Variants in INVS observed in about 807,000 individuals in gnomAD.
INVS encodes inversin, also known as inversion of embryo turning homolog.
INVS carries 86 observed loss-of-function variants against 108.8 expected under a neutral mutation model. That is an observed-to-expected ratio of 0.79 (90% CI 0.66 to 0.95). The LOEUF (loss-of-function observed/expected upper bound fraction) is 0.95. Among genes scored for constraint, INVS ranks in the 40% least tolerant of loss-of-function variants. The pLI is 0.00. For synonymous variants in INVS, 455 were observed against 473.5 expected (o/e 0.96, Z 0.51); for missense variants, 1,169 against 1,297.4 (o/e 0.90, Z 1.52).
intron 5 of INVS, among the ~76,000 whole-genome samples, chr9:100,232,757 C>G (rs772461612): frequency 6.6e-6 from 1 of 152,052 alleles, no homozygotes. Context: ...TTTACTGTAG[C>G]CTTGTATTAT....
chr9:100,100,771 T>TAC (rs1564111658), intron 1 of INVS, among the ~76,000 whole-genome samples: 42 of 15,402 alleles, frequency 2.7e-3, no homozygotes, highest in East Asian at 7.2e-3. Context: ...ATAATATATG[T>TAC]ATATATAATA....
intron 3 of INVS, chr9:100,175,791 A>T: frequency 1.5e-6 from 1 of 650,878 alleles, no homozygotes. Flanking sequence ...GTCCTAGAAC[A>T]GCCATTCCTG....
chr9:100,119,501 G>A (rs761679658), intron 2 of INVS, among the ~76,000 whole-genome samples: 4 of 152,194 alleles, frequency 2.6e-5, no homozygotes, highest in Non-Finnish European at 4.4e-5. Flanking sequence ...CAGTCAAGGC[G>A]TCAGCCAGGG....
chr9:100,126,030 A>C (rs1588019925), intron 2 of INVS, among the ~76,000 whole-genome samples: 1 of 152,312 alleles, frequency 6.6e-6, no homozygotes, highest in East Asian at 1.9e-4. Flanking sequence ...CACAATGCCT[A>C]GTGTACAATT....
chr9:100,178,603 A>G (rs538530942), intron 3 of INVS, among the ~76,000 whole-genome samples: 20 of 152,220 alleles, frequency 1.3e-4, no homozygotes, highest in African/African-American at 4.3e-4. Context: ...AAAGAATGAA[A>G]AGGAATGCAC....
In INVS at chr9:100,197,822, T is replaced by C. The variant is rs532304858; in HGVS notation, c.274-28240T>C. Reference sequence around the variant, plus strand: ...GTAACCTACAGTCAGACAAGGTAGGTCAGAGAATTTCTTTATGGCCAGAGG... The same window carrying C: ...GTAACCTACAGTCAGACAAGGTAGGCCAGAGAATTTCTTTATGGCCAGAGG... On this transcript the variant is annotated intron_variant, in intron 3 of 16. Transcript: ENST00000262457. Among the ~76,000 whole-genome samples, 5 of 152,282 alleles carry C rather than the reference T, an allele frequency of 3.3e-5. No individual in the cohort carries two copies. The South Asian group carries it at 1.0e-3, about 32-fold the overall frequency.
intron 10 of INVS, among the ~76,000 whole-genome samples, chr9:100,260,454 G>A (rs1832586655): frequency 6.6e-6 from 1 of 152,078 alleles, no homozygotes. Flanking sequence ...GCCTCCCAAA[G>A]TGCTGGGATT....
At chr9:100,148,616 A>G (rs1180084275) in intron 3 of INVS, among the ~76,000 whole-genome samples, 1 of 152,230 alleles carries the variant, frequency 6.6e-6, no homozygotes, top group African/African-American at 2.4e-5. Context: ...CATAAGTAAA[A>G]TATTAGCACA....
At chr9:100,131,363 C>T (rs982970527) in intron 3 of INVS, among the ~76,000 whole-genome samples, 2 of 152,098 alleles carry the variant, frequency 1.3e-5, no homozygotes, top group Non-Finnish European at 1.5e-5. Flanking sequence ...TTGAACTGTG[C>T]TGCTTGGCTT....
intron 2 of INVS, among the ~76,000 whole-genome samples, chr9:100,121,923 T>G (rs537902449): frequency 6.6e-6 from 1 of 152,332 alleles, no homozygotes; most frequent in African/African-American, 2.4e-5. Context: ...TTATGCTTTT[T>G]AATTTCCCTT....
chr9:100,122,576 CTTTTTTTT>C (rs1161036698), intron 2 of INVS, among the ~76,000 whole-genome samples: 6 of 57,518 alleles, frequency 1.0e-4, no homozygotes, highest in African/African-American at 2.0e-4. Flanking sequence ...AAGTGAGTTT[CTTTTTTTT>C]TTTTTTTTTT....
intron 3 of INVS, among the ~76,000 whole-genome samples, chr9:100,170,304 C>G (rs1234763982): frequency 1.3e-5 from 2 of 151,326 alleles, no homozygotes; most frequent in Admixed American, 1.3e-4. Flanking sequence ...CATCTATAAT[C>G]CCAGCACTCT....
In INVS at chr9:100,229,641, G is replaced by A. The variant is rs760646531; in HGVS notation, c.448-19G>A. The A allele has an allele frequency of 5.0e-6, 8 of 1,612,872 alleles. No homozygotes were observed. Among genetic ancestry groups the A allele is most frequent in the Non-Finnish European group, 6.8e-6 (8 of 1,179,066 alleles). The stretch of plus-strand genomic sequence containing the variant: ...TTAGTTGTTACTGTTGTTATTTCGA[G>A]AACCTCTCGATTTTGCAGCAAACAG... On this transcript the variant is annotated intron_variant, in intron 4 of 16. Transcript: ENST00000262457.
chr9:100,257,437 T>C (rs943416811), intron 10 of INVS, among the ~76,000 whole-genome samples: 44 of 152,378 alleles, frequency 2.9e-4, no homozygotes, highest in African/African-American at 9.4e-4. Context: ...TGTGTGAATT[T>C]GATCCTGTCA....
chr9:100,252,484 G>A (rs1564176695), intron 9 of INVS, 46 bp downstream of exon 9: 1 of 1,543,232 alleles, frequency 6.5e-7, no homozygotes, highest in African/African-American at 1.4e-5. Context: ...TAACAGGTAG[G>A]AATTCTTGCA....
At chr9:100,110,695 T>A (rs1219029031) in intron 2 of INVS, among the ~76,000 whole-genome samples, 1 of 152,208 alleles carries the variant, frequency 6.6e-6, no homozygotes, top group Non-Finnish European at 1.5e-5. Flanking sequence ...CCAGTTATAT[T>A]GAAATATCAA....
At chr9:100,220,694 A>G (rs1358994589) in intron 3 of INVS, among the ~76,000 whole-genome samples, 1 of 152,196 alleles carries the variant, frequency 6.6e-6, no homozygotes, top group Non-Finnish European at 1.5e-5. Flanking sequence ...CTAACAGGTT[A>G]TACTAAATGA....
At chr9:100,175,572 A>G (rs1473574726) in intron 3 of INVS, 1 of 716,784 alleles carries the variant, frequency 1.4e-6, no homozygotes, top group East Asian at 2.6e-5. Flanking sequence ...TTGGTTCCAG[A>G]ACCAGAGAAT....
At chr9:100,295,881 A>G (rs1833774526) in intron 14 of INVS, among the ~76,000 whole-genome samples, 1 of 152,082 alleles carries the variant, frequency 6.6e-6, no homozygotes, top group Non-Finnish European at 1.5e-5. Flanking sequence ...AACAGGAGAA[A>G]CTGAATTATA....
Sources: gnomAD v4.1 joint callset for allele counts (sites outside exome capture counted in the v4.1 genomes callset) on GRCh38, gnomAD v4.1.1 for gene constraint, MANE v1.5 for transcripts, NCBI Gene and HGNC (gene_info 2026-07-23, HGNC 2026-07-21) for gene names.